The following IFIT1 variants were observed in gnomAD, a reference collection of about 807,000 sequenced individuals.
IFIT1 encodes the protein interferon induced protein with tetratricopeptide repeats 1, also known as antiviral innate immune response effector IFIT1.
A neutral mutation model predicts 2.5 loss-of-function variants in IFIT1; 1 was observed. The ratio of observed to expected loss-of-function variants is 0.40; its 90% CI spans 0.14 to 1.92. The LOEUF (loss-of-function observed/expected upper bound fraction) is 1.92, where lower values mean the gene tolerates loss of function less well. Among genes scored for constraint, IFIT1 ranks in the 40% most tolerant of loss-of-function variants. The probability of loss-of-function intolerance (pLI) is 0.31; values close to 1 mark genes in which losing one functional copy is unlikely to be tolerated. For synonymous variants in IFIT1, 191 were observed against 201.7 expected (o/e 0.95, Z 0.45); for missense variants, 508 against 557.8 (o/e 0.91, Z 0.90).
chr10:89,403,601 C>T lies in IFIT1; in HGVS notation c.1326C>T (p.Leu442=), dbSNP rs1844478461. Residue 442 remains leucine (L), a synonymous_variant, in exon 2 of 2, where the codon CTC becomes CTT. Transcript: ENST00000371804. ...CATTAGATCTGGAAAGCTTGAGCCT[C>T]CTTGGGTTCGTCTACAAATTGGAAG... ...RKALDLESLS[L]LGFVYKLEGN... The T allele has an allele frequency of 6.2e-7, 1 of 1,614,038 alleles. No individual in the cohort carries two copies. Among genetic ancestry groups the T allele is most frequent in the Admixed American group, 1.7e-5 (1 of 60,012 alleles).
rs1844273903 is a variant in IFIT1 at position 89,392,668 on chromosome 10, G to C, written c.-45G>C. The C allele has an allele frequency of 1.9e-6, 3 of 1,612,368 alleles. No homozygotes were observed. Among genetic ancestry groups the C allele is most frequent in the Non-Finnish European group, 2.5e-6 (3 of 1,178,580 alleles). ...GAATAGCCAGATCTCAGAGGAGCCTGGCTAAGCAAAACCCTGCAGAACGGC... is the reference window on the plus strand; with the variant it reads ...GAATAGCCAGATCTCAGAGGAGCCTCGCTAAGCAAAACCCTGCAGAACGGC... On this transcript the variant is annotated 5_prime_UTR_variant, in exon 1 of 2. Transcript: ENST00000371804.
At chr10:89,395,074 T>A (rs1290579276) in intron 1 of IFIT1, among the ~76,000 whole-genome samples, 1 of 152,140 alleles carries the variant, frequency 6.6e-6, no homozygotes, top group African/African-American at 2.4e-5. Context: ...CTTTTTCCAG[T>A]TCCTCAATGT....
intron 1 of IFIT1, among the ~76,000 whole-genome samples, chr10:89,396,202 T>C (rs1293284356): frequency 6.6e-6 from 1 of 152,230 alleles, no homozygotes; most frequent in East Asian, 1.9e-4. Context: ...AGCTGCATCA[T>C]TTTACATTCC....
chr10:89,402,779 T>G lies in IFIT1; in HGVS notation c.504T>G (p.Leu168=). The G allele has an allele frequency of 6.2e-7, 1 of 1,614,208 alleles. No individual in the cohort carries two copies. The highest frequency in any genetic ancestry group is 2.2e-5 in the East Asian group (1 of 44,886). ...CCAAGGCCTGCTTTGAAAAGGTGCT[T>G]GAAGTGGACCCTGAAAACCCTGAAT... ...ERAKACFEKV[L]EVDPENPESS... The change falls in exon 2 of 2, where the codon CTT becomes CTG. Residue 168 remains leucine, a synonymous_variant. Coordinates refer to ENST00000371804, the MANE Select transcript of IFIT1 (RefSeq NM_001548.5).
intron 1 of IFIT1, among the ~76,000 whole-genome samples, chr10:89,398,797 T>A (rs1462073797): frequency 6.6e-6 from 1 of 152,234 alleles, no homozygotes; most frequent in African/African-American, 2.4e-5. Flanking sequence ...CTTAAGTTGC[T>A]CCTACCTTTT....
At chr10:89,396,338 T>C (rs1008978360) in intron 1 of IFIT1, among the ~76,000 whole-genome samples, 2 of 152,200 alleles carry the variant, frequency 1.3e-5, no homozygotes, top group Non-Finnish European at 2.9e-5. Flanking sequence ...AAGGTTTATT[T>C]AGCTCACAGT....
In IFIT1 at chr10:89,402,371, G is replaced by C; in HGVS notation, c.96G>C (p.Met32Ile). Reference sequence around the variant, plus strand: ...AGTTATCCATTGATGACGATGAAATGCCTGATTTAGAAAACAGAGTCTTGG... The same window carrying C: ...AGTTATCCATTGATGACGATGAAATCCCTGATTTAGAAAACAGAGTCTTGG... ...TWELSIDDDE[M>I]PDLENRVLDQ... Residue 32 changes from methionine (M) to isoleucine (I), a missense_variant, in exon 2 of 2, where the codon ATG becomes ATC. Physicochemically the swap from Met to Ile is conservative, Grantham distance 10. Coordinates refer to ENST00000371804, the MANE Select transcript of IFIT1 (RefSeq NM_001548.5). The C allele has an allele frequency of 6.2e-7, 1 of 1,614,120 alleles. No homozygotes were observed. Among genetic ancestry groups the C allele is most frequent in the Admixed American group, 1.7e-5 (1 of 60,028 alleles).
chr10:89,400,608 T>C (rs919721435), intron 1 of IFIT1, among the ~76,000 whole-genome samples: 5 of 152,236 alleles, frequency 3.3e-5, no homozygotes, highest in African/African-American at 1.2e-4. Flanking sequence ...ATATGACTGA[T>C]TTTTCATGTA....
intron 1 of IFIT1, among the ~76,000 whole-genome samples, chr10:89,396,438 C>G (rs998134813): frequency 6.6e-6 from 1 of 152,142 alleles, no homozygotes; most frequent in African/African-American, 2.4e-5. Flanking sequence ...TGGAGAAGGT[C>G]AAAGGGGAAG....
At position 89,404,283 on chromosome 10, in the gene IFIT1, TCTTG is replaced by T. The variant is rs1844494052; in HGVS notation, c.*573_*576del. ...GCGCCACAGCCAGACTCCCCTCCCCTCTTGCGGTTTCCACATGACAACTGATCAG... is the reference window on the plus strand; with the variant it reads ...GCGCCACAGCCAGACTCCCCTCCCCTCGGTTTCCACATGACAACTGATCAG... On this transcript the variant is annotated 3_prime_UTR_variant, in exon 2 of 2. Transcript: ENST00000371804. 1 of 152,574 alleles carries T rather than the reference TCTTG, an allele frequency of 6.6e-6. No homozygotes were observed. Among genetic ancestry groups the T allele is most frequent in the Admixed American group, 6.6e-5 (1 of 15,266 alleles). The allele number at this position is 152,574 out of a possible 1,614,324, so 9.5% of individuals were successfully genotyped here. A position where few individuals can be genotyped will look rare whatever the true frequency, so the allele number is the denominator to read the frequency against.
intron 1 of IFIT1, among the ~76,000 whole-genome samples, chr10:89,397,764 T>G (rs1346446317): frequency 2.6e-5 from 4 of 152,226 alleles, no homozygotes; most frequent in Non-Finnish European, 5.9e-5. Flanking sequence ...TCTGTTGAAC[T>G]ATACCAATTT....
At position 89,402,443 on chromosome 10, in the gene IFIT1, C is replaced by T. The variant is rs756159382; in HGVS notation, c.168C>T (p.Asn56=). 5 of 1,614,050 alleles carry T rather than the reference C, an allele frequency of 3.1e-6. No homozygotes were observed. The highest frequency in any genetic ancestry group is 2.7e-5 in the African/African-American group (2 of 74,916). ...LDTKYSVGIH[N]LLAYVKHLKG... ...CCAAATACAGTGTGGGAATACACAACCTACTAGCCTATGTGAAACACCTGA... is the reference window on the plus strand; with the variant it reads ...CCAAATACAGTGTGGGAATACACAATCTACTAGCCTATGTGAAACACCTGA... The change falls in exon 2 of 2, where the codon AAC becomes AAT. Residue 56 remains asparagine, a synonymous_variant. Coordinates refer to ENST00000371804, the MANE Select transcript of IFIT1 (RefSeq NM_001548.5).
rs1844449250 is a variant in IFIT1, at chr10:89,402,656, G to A, written c.381G>A (p.Lys127=). 6.2e-7 allele frequency: 1 copy of A among 1,614,200 alleles called. No homozygotes were observed. Among genetic ancestry groups the A allele is most frequent in the South Asian group, 1.1e-5 (1 of 91,088 alleles). The change falls in exon 2 of 2, where the codon AAG becomes AAA. Residue 127 remains lysine, a synonymous_variant. Coordinates refer to ENST00000371804, the MANE Select transcript of IFIT1 (RefSeq NM_001548.5). ...ACAAGGTGGAGAACATTTGCAAGAA[G>A]CTTTCAAATCCCTTCCGCTATAGAA... is the stretch of plus-strand genomic sequence containing the variant. ...YLDKVENICK[K]LSNPFRYRME...
In IFIT1 at chr10:89,403,707, C is replaced by A; in HGVS notation, c.1432C>A (p.Pro478Thr). 6.5e-7 allele frequency: 1 copy of A among 1,537,462 alleles called. No homozygotes were observed. Among genetic ancestry groups the A allele is most frequent in the Non-Finnish European group, 8.8e-7 (1 of 1,135,664 alleles). The change falls in exon 2 of 2, where the codon CCT becomes ACT. Residue 478 changes from proline (P) to threonine (T), a missense_variant. Physicochemically the swap from Pro to Thr is conservative, Grantham distance 38. Transcript: ENST00000371804. ...ADFENSVRQG[P>T] ...CTTTGAGAACTCTGTGAGACAAGGT[C>A]CTTAGGCACCCAGATATCAGCCACT...
chr10:89,403,830 G>A lies in IFIT1; in HGVS notation c.*118G>A. On this transcript the variant is annotated 3_prime_UTR_variant, in exon 2 of 2. Transcript: ENST00000371804. Reference sequence around the variant, plus strand: ...AATTCACTGTAATGATGTAATTCTTGAATAATAAATCTGACAAAATATTAG... The same window carrying A: ...AATTCACTGTAATGATGTAATTCTTAAATAATAAATCTGACAAAATATTAG... The A allele has an allele frequency of 3.2e-6, 2 of 628,746 alleles. No individual in the cohort carries two copies. The highest frequency in any genetic ancestry group is 5.4e-6 in the Non-Finnish European group (2 of 372,896). 38.9% of individuals were successfully genotyped at this position (628,746 alleles called of 1,614,324 possible).
chr10:89,396,567 C>G (rs1686084760), intron 1 of IFIT1, among the ~76,000 whole-genome samples: 1 of 152,176 alleles, frequency 6.6e-6, no homozygotes, highest in South Asian at 2.1e-4. Flanking sequence ...AATTCACTCA[C>G]TACTACTAGA....
At position 89,402,639 on chromosome 10, in the gene IFIT1, G is replaced by A. The variant is rs940229745; in HGVS notation, c.364G>A (p.Glu122Lys). 3.1e-6 allele frequency: 5 copies of A among 1,614,098 alleles called. No individual in the cohort carries two copies. Among genetic ancestry groups the A allele is most frequent in the East Asian group, 4.5e-5 (2 of 44,904 alleles). ...AGCCCAGACTTACCTGGACAAGGTG[G>A]AGAACATTTGCAAGAAGCTTTCAAA... is the stretch of plus-strand genomic sequence containing the variant. ...AEAQTYLDKVENICKKLSNPF... is the reference protein window; with the variant it reads ...AEAQTYLDKVKNICKKLSNPF... The change falls in exon 2 of 2, where the codon GAG (glutamate) becomes AAG (lysine). Residue 122 changes from glutamate to lysine, a missense_variant. Physicochemically the swap from Glu to Lys is moderately conservative, Grantham distance 56 (BLOSUM62 1). Coordinates refer to ENST00000371804, the MANE Select transcript of IFIT1 (RefSeq NM_001548.5).
rs1415380514 is a variant in IFIT1 at position 89,405,410 on chromosome 10, T to C, written c.*1698T>C. On this transcript the variant is annotated 3_prime_UTR_variant, in exon 2 of 2. Transcript: ENST00000371804. The stretch of plus-strand genomic sequence containing the variant: ...GGAAAAAATAAATAAGCAATGTTAT[T>C]GATCTTTCATTCTGTATATGTTTTG... 6.6e-6 allele frequency: 1 copy of C among 152,208 alleles called. No homozygotes were observed. Among genetic ancestry groups the C allele is most frequent in the Non-Finnish European group, 1.5e-5 (1 of 68,038 alleles). The allele number at this position is 152,208 out of a possible 1,614,324, so 9.4% of individuals were successfully genotyped here. A position where few individuals can be genotyped will look rare whatever the true frequency, so the allele number is the denominator to read the frequency against.
chr10:89,392,761 G>A (rs1402954447), intron 1 of IFIT1, 44 bp downstream of exon 1: 3 of 1,599,570 alleles, frequency 1.9e-6, no homozygotes, highest in Non-Finnish European at 2.6e-6. Flanking sequence ...TAAAGTTTTT[G>A]AAAAAATGGT....
Sources: allele counts gnomAD v4.1 joint callset (sites outside exome capture counted in the v4.1 genomes callset), GRCh38; gene constraint gnomAD v4.1.1; transcripts MANE v1.5; gene names NCBI Gene and HGNC (gene_info 2026-07-23, HGNC 2026-07-21).